MIGA1: variants seen among roughly 807,000 people sequenced by gnomAD.
The protein encoded by MIGA1 is family with sequence similarity 73, member A.
A neutral mutation model predicts 82.0 loss-of-function variants in MIGA1; 58 were observed. The ratio of observed to expected loss-of-function variants is 0.71; its 90% confidence interval spans 0.57 to 0.88. The LOEUF is 0.88. MIGA1 is among the 40% of genes least tolerant of loss of function. MIGA1 has a pLI of 0.00. For synonymous variants in MIGA1, 249 were observed against 253.6 expected (o/e 0.98, Z 0.17); for missense variants, 751 against 749.1 (o/e 1.00, Z -0.03).
intron 5 of MIGA1, among the ~76,000 whole-genome samples, chr1:77,807,740 C>T (rs1295527169): frequency 2.0e-5 from 3 of 152,106 alleles, no homozygotes; most frequent in Non-Finnish European, 2.9e-5. Flanking sequence ...CATTGTTTGG[C>T]TCGTGACCAC....
At chr1:77,848,114 C>T (rs1435008439) in intron 8 of MIGA1, 45 of 1,318,302 alleles carry the variant, frequency 3.4e-5, no homozygotes, top group South Asian at 3.2e-4. Flanking sequence ...AATCCAGAGA[C>T]GAGGAGAACC....
intron 7 of MIGA1, among the ~76,000 whole-genome samples, chr1:77,839,287 T>G (rs573335567): frequency 6.6e-6 from 1 of 152,198 alleles, no homozygotes; most frequent in South Asian, 2.1e-4. Flanking sequence ...TGTAATGATA[T>G]TTCCCTGTGG....
intron 8 of MIGA1, chr1:77,848,807 T>TA: frequency 8.3e-7 from 1 of 1,199,144 alleles, no homozygotes; most frequent in Non-Finnish European, 1.1e-6. Context: ...GATTGATGGC[T>TA]ACCCCAAGAG....
At chr1:77,805,995 G>T (rs1683085909) in intron 4 of MIGA1, among the ~76,000 whole-genome samples, 1 of 152,136 alleles carries the variant, frequency 6.6e-6, no homozygotes, top group Non-Finnish European at 1.5e-5. Flanking sequence ...AACTGAACTA[G>T]TCATTCCTCT....
chr1:77,794,126 A>G (rs1163547059), intron 2 of MIGA1, among the ~76,000 whole-genome samples: 1 of 152,118 alleles, frequency 6.6e-6, no homozygotes, highest in East Asian at 1.9e-4. Context: ...TTTACCAAAG[A>G]GTTGCAAAGA....
intron 13 of MIGA1, among the ~76,000 whole-genome samples, chr1:77,864,455 C>A (rs903911231): frequency 6.6e-6 from 1 of 151,766 alleles, no homozygotes; most frequent in Admixed American, 6.6e-5. Flanking sequence ...GCAAGTGGAT[C>A]ATTTGAGGTC....
chr1:77,863,947 C>G lies in MIGA1; in HGVS notation c.1428C>G (p.Ser476=). The G allele has an allele frequency of 6.2e-7, 1 of 1,601,082 alleles. No individual in the cohort carries two copies. Among genetic ancestry groups the G allele is most frequent in the East Asian group, 2.2e-5 (1 of 44,494 alleles). Reference sequence around the variant, plus strand: ...TTCTGGATTTTATATTAATGGACTCCTTTGAAGATTTGGAAAACCCACCCA... The same window carrying G: ...TTCTGGATTTTATATTAATGGACTCGTTTGAAGATTTGGAAAACCCACCCA... Residue 476 remains serine (S), a synonymous_variant, in exon 13 of 16, where the codon TCC becomes TCG. Coordinates refer to ENST00000370791, the MANE Select transcript of MIGA1 (RefSeq NM_198549.4).
At position 77,878,110 on chromosome 1, in the gene MIGA1, C is replaced by G. The variant is rs867092147; in HGVS notation, c.*3046C>G. On this transcript the variant is annotated 3_prime_UTR_variant, in exon 16 of 16. Transcript: ENST00000370791. ...AGAAGGGTACTTAAGACATATATAA[C>G]AGGCCAGGAGCAGTGGCTCACGCCT... is the stretch of plus-strand genomic sequence containing the variant. 1 of 152,096 alleles carries G rather than the reference C, an allele frequency of 6.6e-6. No homozygotes were observed. Among genetic ancestry groups the G allele is most frequent in the African/African-American group, 2.4e-5 (1 of 41,400 alleles). The allele number at this position is 152,096 out of a possible 1,614,324, so 9.4% of individuals were successfully genotyped here.
chr1:77,860,390 A>G (rs1685417417), intron 11 of MIGA1: 2 of 344,606 alleles, frequency 5.8e-6, no homozygotes, highest in South Asian at 5.7e-5. Context: ...TATAACCATC[A>G]CTGTTATTAT....
In MIGA1 at chr1:77,779,674, G is replaced by C. The variant is rs1423763461; in HGVS notation, c.19G>C (p.Ala7Pro). Residue 7 changes from alanine (A) to proline (P), a missense_variant, in exon 1 of 16, where the codon GCG (alanine) becomes CCG (proline). By Grantham distance (27) the Ala-to-Pro change is conservative. Coordinates refer to ENST00000370791, the MANE Select transcript of MIGA1 (RefSeq NM_198549.4). ...CTTCTCCATGTCAGACTGCTGCTCA[G>C]CGCCAGGCATCAGCTGGGAAGCTGG... 4 of 1,586,766 alleles carry C rather than the reference G, an allele frequency of 2.5e-6. No individual in the cohort carries two copies. The highest frequency in any genetic ancestry group is 3.4e-6 in the Non-Finnish European group (4 of 1,166,538).
At chr1:77,817,191 T>G (rs1164100624) in intron 7 of MIGA1, among the ~76,000 whole-genome samples, 1 of 152,172 alleles carries the variant, frequency 6.6e-6, no homozygotes, top group Non-Finnish European at 1.5e-5. Context: ...TTTCTTCAGG[T>G]TAAAAGGATT....
chr1:77,854,882 A>G (rs1041745154), intron 8 of MIGA1, among the ~76,000 whole-genome samples: 3 of 152,194 alleles, frequency 2.0e-5, no homozygotes, highest in Non-Finnish European at 4.4e-5. Flanking sequence ...TTTGCCATGC[A>G]AAAAGCTCTT....
At chr1:77,782,840 A>C in intron 1 of MIGA1, 1 of 984,108 alleles carries the variant, frequency 1.0e-6, no homozygotes, top group Non-Finnish European at 1.2e-6. Flanking sequence ...CCTGCCACCT[A>C]CTCTCACCCC....
intron 7 of MIGA1, among the ~76,000 whole-genome samples, chr1:77,839,363 A>G (rs999144060): frequency 3.3e-5 from 5 of 151,278 alleles, no homozygotes; most frequent in Non-Finnish European, 5.9e-5. Context: ...GACTAAGATG[A>G]AGCCTTTGGT....
intron 2 of MIGA1, among the ~76,000 whole-genome samples, chr1:77,786,277 T>G (rs1349628799): frequency 6.6e-6 from 1 of 152,160 alleles, no homozygotes; most frequent in Non-Finnish European, 1.5e-5. Context: ...CACTTTTTCC[T>G]CCTAGGCCTC....
intron 8 of MIGA1, among the ~76,000 whole-genome samples, chr1:77,851,089 T>C (rs1265746474): frequency 2.6e-5 from 4 of 152,122 alleles, no homozygotes. Flanking sequence ...AGGCTGGTCT[T>C]GAACTCCTGA....
rs1261134187 is a variant in MIGA1, at chr1:77,875,055, A to G, written c.1890A>G (p.Lys630=). ...TGTCCACTGGGCTACTGGAAGCCAA[A>G]GTACAATAAGTACCATAAGAATCAT... The change falls in exon 16 of 16, where the codon AAA becomes AAG. Residue 630 remains lysine, a synonymous_variant. Transcript: ENST00000370791. 1 of 1,607,522 alleles carries G rather than the reference A, an allele frequency of 6.2e-7. No individual in the cohort carries two copies. The highest frequency in any genetic ancestry group is 8.5e-7 in the Non-Finnish European group (1 of 1,174,136).
chr1:77,793,460 GTTTGT>G (rs934300746), intron 2 of MIGA1, among the ~76,000 whole-genome samples: 1 of 151,686 alleles, frequency 6.6e-6, no homozygotes, highest in African/African-American at 2.4e-5. Context: ...TTGTTTGCTT[GTTTGT>G]TTTGTTTTGT....
intron 7 of MIGA1, among the ~76,000 whole-genome samples, chr1:77,825,151 C>T (rs1222944454): frequency 1.3e-5 from 2 of 151,992 alleles, no homozygotes; most frequent in African/African-American, 2.4e-5. Context: ...GGACTACAGT[C>T]GTGCCCCACC....
Sources: allele counts gnomAD v4.1 joint callset (sites outside exome capture counted in the v4.1 genomes callset), GRCh38; gene constraint gnomAD v4.1.1; transcripts MANE v1.5; gene names NCBI Gene and HGNC (gene_info 2026-07-23, HGNC 2026-07-21).